Variants in ST8SIA2 observed in about 807,000 individuals in gnomAD.
ST8SIA2 encodes ST8 alpha-N-acetyl-neuraminide alpha-2,8-sialyltransferase 2.
Under a neutral mutation model 37.6 loss-of-function variants are expected in ST8SIA2, and 22 were observed. That is an observed-to-expected ratio of 0.58 (90% CI 0.42 to 0.83). The LOEUF is 0.83. Ranked by LOEUF, ST8SIA2 falls within the 40% of genes least tolerant of loss-of-function variation. The pLI, the probability that ST8SIA2 is intolerant of heterozygous loss-of-function variation, is 0.00. For missense variants in ST8SIA2, 382 were observed against 484.7 expected (o/e 0.79, Z 1.99); for synonymous variants, 205 against 201.2 (o/e 1.02, Z -0.16).
intron 5 of ST8SIA2, among the ~76,000 whole-genome samples, chr15:92,457,526 C>T (rs148100196): frequency 5.0e-4 from 76 of 152,276 alleles, no homozygotes; most frequent in African/African-American, 1.8e-3. Context: ...TAAAGGTGCA[C>T]TGTCAATACA....
chr15:92,395,890 A>G (rs1185480855), intron 1 of ST8SIA2, among the ~76,000 whole-genome samples: 1 of 152,212 alleles, frequency 6.6e-6, no homozygotes, highest in Non-Finnish European at 1.5e-5. Flanking sequence ...TAGGTCAGCC[A>G]TTCACTGAAT....
Position 92,394,180 on chromosome 15 carries a change from G to C in ST8SIA2, c.98+18G>C. On this transcript the variant is annotated intron_variant, in intron 1 of 5. Transcript: ENST00000268164. ...GAAATCGGGTAAATAGCTGCTCCCA[G>C]GCCCGTGCCACGAGCCCTGGCGGGA... 1 of 1,547,782 alleles carries C rather than the reference G, an allele frequency of 6.5e-7. No individual in the cohort carries two copies. Among genetic ancestry groups the C allele is most frequent in the Non-Finnish European group, 8.7e-7 (1 of 1,143,286 alleles).
intron 1 of ST8SIA2, among the ~76,000 whole-genome samples, chr15:92,424,046 T>C (rs1014484158): frequency 2.0e-5 from 3 of 152,222 alleles, no homozygotes; most frequent in Non-Finnish European, 2.9e-5. Flanking sequence ...GTGGCTTTAA[T>C]GTGCAAATTG....
intron 5 of ST8SIA2, among the ~76,000 whole-genome samples, chr15:92,461,190 A>G (rs2049955008): frequency 6.6e-6 from 1 of 152,162 alleles, no homozygotes; most frequent in South Asian, 2.1e-4. Context: ...GAGTGGCACC[A>G]GTTCTGTACG....
At chr15:92,404,667 CAAAAAAAA>C (rs35691790) in intron 1 of ST8SIA2, among the ~76,000 whole-genome samples, 1 of 105,198 alleles carries the variant, frequency 9.5e-6, no homozygotes, top group East Asian at 2.5e-4. Context: ...ACTAAAAATA[CAAAAAAAA>C]AAAAAAAAAA....
chr15:92,410,445 G>C (rs79432408), intron 1 of ST8SIA2, among the ~76,000 whole-genome samples: 1 of 152,186 alleles, frequency 6.6e-6, no homozygotes, highest in Non-Finnish European at 1.5e-5. Context: ...CTTGCAGGAC[G>C]GGGAGCAACA....
intron 4 of ST8SIA2, among the ~76,000 whole-genome samples, chr15:92,440,669 G>A (rs918051867): frequency 4.6e-5 from 7 of 152,236 alleles, no homozygotes; most frequent in South Asian, 2.1e-4. Flanking sequence ...ACAGACTTAC[G>A]TTTGACATCA....
intron 1 of ST8SIA2, among the ~76,000 whole-genome samples, chr15:92,419,514 C>G (rs2049615187): frequency 6.6e-6 from 1 of 152,176 alleles, no homozygotes; most frequent in South Asian, 2.1e-4. Flanking sequence ...CATCCTGTGC[C>G]TGGCCATGGT....
intron 4 of ST8SIA2, among the ~76,000 whole-genome samples, chr15:92,441,576 TGCACACAC>T (rs1170571044): frequency 3.0e-5 from 3 of 101,112 alleles, no homozygotes; most frequent in Non-Finnish European, 5.7e-5. Flanking sequence ...TCACTGTGCA[TGCACACAC>T]ACACACACAC....
chr15:92,409,694 G>T (rs1467975955), intron 1 of ST8SIA2, among the ~76,000 whole-genome samples: 3 of 152,212 alleles, frequency 2.0e-5, no homozygotes, highest in African/African-American at 7.2e-5. Context: ...CACCCTGCTG[G>T]AAAAGCCAAT....
intron 5 of ST8SIA2, among the ~76,000 whole-genome samples, chr15:92,461,637 A>G (rs1383265465): frequency 6.6e-6 from 1 of 152,240 alleles, no homozygotes; most frequent in Non-Finnish European, 1.5e-5. Context: ...GTGCCATGGT[A>G]GCTGTGGGCC....
rs146396658 is a variant in ST8SIA2 at position 92,444,667 on chromosome 15, C to T, written c.580C>T (p.Arg194Trp). The change falls in exon 5 of 6, where the codon CGG becomes TGG. Residue 194 changes from arginine to tryptophan, a missense_variant. Arg to Trp is a moderately radical substitution (Grantham distance 101). Coordinates refer to ENST00000268164, the MANE Select transcript of ST8SIA2 (RefSeq NM_006011.4). ...CCTGGCCCCAGTACAGGAGTATGCC[C>T]GGGATGTGGGGCTCAAGACAGACCT... ...CNLAPVQEYA[R>W]DVGLKTDLVT... 25 of 1,614,056 alleles carry T rather than the reference C, an allele frequency of 1.5e-5. No homozygotes were observed. Among genetic ancestry groups the T allele is most frequent in the East Asian group, 4.5e-5 (2 of 44,890 alleles).
intron 2 of ST8SIA2, 40 bp from the exon 3 acceptor site, chr15:92,434,207 C>T: frequency 6.2e-7 from 1 of 1,612,656 alleles, no homozygotes; most frequent in East Asian, 2.2e-5. Flanking sequence ...GGCTTGCTAA[C>T]ACATCATGTC....
chr15:92,403,477 C>T (rs1030293857), intron 1 of ST8SIA2, among the ~76,000 whole-genome samples: 1 of 152,192 alleles, frequency 6.6e-6, no homozygotes, highest in African/African-American at 2.4e-5. Context: ...CATCTGTCAC[C>T]ATCGGGCACA....
chr15:92,457,003 C>T (rs114290107), intron 5 of ST8SIA2, among the ~76,000 whole-genome samples: 2,758 of 152,316 alleles, frequency 0.018, 92 homozygotes, highest in African/African-American at 0.063. Context: ...GAGATGGTGT[C>T]TCATTCTGAG....
In ST8SIA2 at chr15:92,435,536, A is replaced by G. The variant is rs1199806618; in HGVS notation, c.290+1161A>G. Among the ~76,000 whole-genome samples the G allele has an allele frequency of 2.6e-5, 4 of 152,164 alleles. No individual in the cohort carries two copies. The East Asian group carries it at 7.7e-4, about 29-fold the overall frequency. On this transcript the variant is annotated intron_variant, in intron 3 of 5. Transcript: ENST00000268164. ...GGAGAGAGGAGAGCAGCCATCAGCA[A>G]TGTCACCACGCAGAGCAGGGAGTTG...
At chr15:92,406,987 CCT>C (rs1320049677) in intron 1 of ST8SIA2, among the ~76,000 whole-genome samples, 1 of 147,046 alleles carries the variant, frequency 6.8e-6, no homozygotes, top group Non-Finnish European at 1.5e-5. Context: ...AGAATGAAAC[CCT>C]GTCTCAAAAA....
At position 92,438,408 on chromosome 15, in the gene ST8SIA2, A is replaced by C; in HGVS notation, c.346A>C (p.Thr116Pro). 6.2e-7 allele frequency: 1 copy of C among 1,614,202 alleles called. No individual in the cohort carries two copies. The highest frequency in any genetic ancestry group is 1.3e-5 in the African/African-American group (1 of 75,046). Residue 116 changes from threonine (T) to proline (P), a missense_variant, in exon 4 of 6, where the codon ACC (threonine) becomes CCC (proline). Physicochemically the swap from Thr to Pro is conservative, Grantham distance 38. Transcript: ENST00000268164. ...AAAGGACATTTCTGTCCTAAAGGGA[A>C]CCCTGAAGCCTGGAGATATTATTCA... is the stretch of plus-strand genomic sequence containing the variant. ...AEKDISVLKG[T>P]LKPGDIIHYI...
chr15:92,451,720 T>A (rs989393089), intron 5 of ST8SIA2, among the ~76,000 whole-genome samples: 17 of 152,182 alleles, frequency 1.1e-4, no homozygotes, highest in African/African-American at 3.9e-4. Context: ...CCGCACGCCA[T>A]GCCAAGTAGC....
Sources: gnomAD v4.1 joint callset for allele counts (sites outside exome capture counted in the v4.1 genomes callset) on GRCh38, gnomAD v4.1.1 for gene constraint, MANE v1.5 for transcripts, NCBI Gene and HGNC (gene_info 2026-07-23, HGNC 2026-07-21) for gene names.